The following GRIN1 variants were observed in gnomAD, a reference collection of about 807,000 sequenced individuals.
GRIN1 encodes glutamate ionotropic receptor NMDA type subunit 1.
A neutral mutation model predicts 103.0 loss-of-function variants in GRIN1; 38 were observed. The observed-to-expected ratio is 0.37, with a 90% CI of 0.28 to 0.48. The LOEUF is 0.48. Among genes scored for constraint, GRIN1 ranks in the 20% least tolerant of loss-of-function variants. The probability of loss-of-function intolerance (pLI) is 0.98; values close to 1 mark genes in which losing one functional copy is unlikely to be tolerated. For synonymous variants in GRIN1, 544 were observed against 532.7 expected, an observed-to-expected ratio of 1.02 and a Z score of -0.29; for missense variants, 577 against 1,288.9, an observed-to-expected ratio of 0.45 and a Z score of 8.46.
At chr9:137,165,664 T>C (rs1833834976) in intron 19 of GRIN1, among the ~76,000 whole-genome samples, 1 of 152,184 alleles carries the variant, frequency 6.6e-6, no homozygotes, top group Non-Finnish European at 1.5e-5. Flanking sequence ...CCTGGACTCC[T>C]CAGCTGCCGG....
At position 137,168,574 on chromosome 9, in the gene GRIN1, C is replaced by T; in HGVS notation, c.*1047C>T. On this transcript the variant is annotated 3_prime_UTR_variant, in exon 20 of 20. Coordinates refer to ENST00000371561, the MANE Select transcript of GRIN1 (RefSeq NM_007327.4). Reference sequence around the variant, plus strand: ...CACCCGCCCGCCCCCGCCCTCGCTCCGGGTGCGTGACCGGCCCGCCACCTT... The same window carrying T: ...CACCCGCCCGCCCCCGCCCTCGCTCTGGGTGCGTGACCGGCCCGCCACCTT... The T allele has an allele frequency of 3.4e-6, 1 of 294,184 alleles. No homozygotes were observed. Among genetic ancestry groups the T allele is most frequent in the Non-Finnish European group, 6.2e-6 (1 of 160,900 alleles). The allele number at this position is 294,184 out of a possible 1,614,324, so 18.2% of individuals were successfully genotyped here. A position where few individuals can be genotyped will look rare whatever the true frequency, so the allele number is the denominator to read the frequency against.
At chr9:137,160,941 AG>A in intron 8 of GRIN1, 114 bp from the exon 9 acceptor site, 1 of 1,296,250 alleles carries the variant, frequency 7.7e-7, no homozygotes, top group Admixed American at 1.9e-5. Context: ...GGGGGGTGTG[AG>A]GGGTGCGTCG....
chr9:137,147,080 G>A (rs576963962), intron 3 of GRIN1, among the ~76,000 whole-genome samples: 9 of 109,138 alleles, frequency 8.2e-5, no homozygotes, highest in Non-Finnish European at 1.5e-4. Flanking sequence ...CCCAGCGCTC[G>A]ACAGGCCCCT....
intron 8 of GRIN1, among the ~76,000 whole-genome samples, chr9:137,160,125 C>T (rs896644003): frequency 1.2e-4 from 18 of 152,196 alleles, no homozygotes; most frequent in African/African-American, 4.3e-4. Flanking sequence ...GAGTGTGGGT[C>T]GAAGAGGCCA....
intron 19 of GRIN1, among the ~76,000 whole-genome samples, chr9:137,167,002 G>A (rs928937226): frequency 6.6e-6 from 1 of 152,212 alleles, no homozygotes; most frequent in Non-Finnish European, 1.5e-5. Flanking sequence ...GCGAGGCCAG[G>A]TGCAGCTCAG....
chr9:137,160,614 T>C (rs1200262405), intron 8 of GRIN1, among the ~76,000 whole-genome samples: 1 of 152,144 alleles, frequency 6.6e-6, no homozygotes, highest in Non-Finnish European at 1.5e-5. Context: ...GTATTTTCAG[T>C]AGAGACGGGG....
intron 2 of GRIN1, 27 bp downstream of exon 2, chr9:137,142,174 T>C (rs1273367543): frequency 8.1e-6 from 13 of 1,612,824 alleles, no homozygotes; most frequent in Admixed American, 6.7e-5. Flanking sequence ...GACCAGGCCT[T>C]CCGGCCCTCG....
rs529727940 is a variant in GRIN1 at position 137,146,544 on chromosome 9, A to G, written c.570+642A>G. ...AGCCACCTGGTTCTAGGACACACTGACCCCCAACACAGCCAGGCGTCCACT... is the reference window on the plus strand; with the variant it reads ...AGCCACCTGGTTCTAGGACACACTGGCCCCCAACACAGCCAGGCGTCCACT... On this transcript the variant is annotated intron_variant, in intron 3 of 19. Coordinates refer to ENST00000371561, the MANE Select transcript of GRIN1 (RefSeq NM_007327.4). This position sits in a 1 kb window ranked among gnomAD's most constrained non-coding sequence, Gnocchi z 6.7. Among the ~76,000 whole-genome samples the G allele has an allele frequency of 5.9e-5, 9 of 151,826 alleles. No individual in the cohort carries two copies. In the South Asian group the frequency reaches 8.3e-4, roughly 14 times the overall value.
chr9:137,163,033 C>A, intron 15 of GRIN1, 30 bp downstream of exon 15: 1 of 1,133,188 alleles, frequency 8.8e-7, no homozygotes, highest in Non-Finnish European at 1.3e-6. Context: ...CCTGGCGGGG[C>A]GGGACAGGTG....
chr9:137,143,799 G>T (rs1431980154), intron 2 of GRIN1, among the ~76,000 whole-genome samples: 1 of 152,210 alleles, frequency 6.6e-6, no homozygotes, highest in Non-Finnish European at 1.5e-5. Flanking sequence ...AAATAACCTG[G>T]AAGCCTCAGA....
intron 4 of GRIN1, among the ~76,000 whole-genome samples, chr9:137,152,573 G>A (rs561015588): frequency 3.3e-5 from 5 of 152,118 alleles, no homozygotes; most frequent in Non-Finnish European, 7.4e-5. Flanking sequence ...GGGAGGGGGC[G>A]TTTTCTCCAC....
At chr9:137,148,577 C>T (rs900165906) in intron 3 of GRIN1, among the ~76,000 whole-genome samples, 1 of 152,216 alleles carries the variant, frequency 6.6e-6, no homozygotes, top group African/African-American at 2.4e-5. Flanking sequence ...CAGGGGCCTG[C>T]GGAATCAAAC....
Position 137,139,719 on chromosome 9 carries a change from T to C in GRIN1, c.233T>C (p.Val78Ala). 1 of 1,613,834 alleles carries C rather than the reference T, an allele frequency of 6.2e-7. No individual in the cohort carries two copies. Among genetic ancestry groups the C allele is most frequent in the Non-Finnish European group, 8.5e-7 (1 of 1,179,974 alleles). Residue 78 changes from valine to alanine, a missense_variant, in exon 1 of 20, where the codon GTG (valine) becomes GCG (alanine). Val to Ala is a moderately conservative substitution (Grantham distance 64, BLOSUM62 0). Coordinates refer to ENST00000371561, the MANE Select transcript of GRIN1 (RefSeq NM_007327.4). This position sits in a 1 kb window ranked among gnomAD's most constrained non-coding sequence, Gnocchi z 7.7. The stretch of plus-strand genomic sequence containing the variant: ...AACGCCATCCAGATGGCTCTGTCGG[T>C]GTGCGAGGACCTCATCTCCAGCCAG... ...KPNAIQMALS[V>A]CEDLISSQVY...
chr9:137,156,134 A>G (rs556551013), intron 4 of GRIN1, among the ~76,000 whole-genome samples: 2 of 152,206 alleles, frequency 1.3e-5, no homozygotes, highest in Non-Finnish European at 2.9e-5. Context: ...CTCGGGACAC[A>G]GAGATATTGT....
In GRIN1 at chr9:137,158,280, G is replaced by A. The variant is rs1833347157; in HGVS notation, c.969-99G>A. 6.8e-6 allele frequency: 9 copies of A among 1,321,072 alleles called. No homozygotes were observed. The East Asian group carries it at 2.1e-4, about 31-fold the overall frequency. 81.8% of individuals were successfully genotyped at this position (1,321,072 alleles called of 1,614,324 possible). On this transcript the variant is annotated intron_variant, in intron 6 of 19. Coordinates refer to ENST00000371561, the MANE Select transcript of GRIN1 (RefSeq NM_007327.4). Reference sequence around the variant, plus strand: ...GCAGGAGAAGGAGCAGGGAGAAGGAGCAGGGGGAAGGAGCAGGGAGAAGCA... The same window carrying A: ...GCAGGAGAAGGAGCAGGGAGAAGGAACAGGGGGAAGGAGCAGGGAGAAGCA...
chr9:137,164,895 G>A (rs985433256), intron 18 of GRIN1: 8 of 448,990 alleles, frequency 1.8e-5, no homozygotes, highest in African/African-American at 4.0e-5. Flanking sequence ...CGGGACGCCT[G>A]TAAGCCAGGG....
intron 3 of GRIN1, chr9:137,148,041 C>A (rs368285876): frequency 2.8e-6 from 2 of 702,270 alleles, no homozygotes; most frequent in Admixed American, 4.8e-5. Context: ...GGTAGGAGCC[C>A]GTCTGCAGAC....
intron 4 of GRIN1, among the ~76,000 whole-genome samples, chr9:137,153,653 C>G (rs960969540): frequency 6.6e-6 from 1 of 152,160 alleles, no homozygotes; most frequent in Non-Finnish European, 1.5e-5. Context: ...CGCACACCTA[C>G]ATACATGTAC....
intron 2 of GRIN1, among the ~76,000 whole-genome samples, chr9:137,145,036 G>A (rs1832434014): frequency 1.5e-5 from 1 of 66,910 alleles, no homozygotes; most frequent in South Asian, 7.9e-4. Flanking sequence ...GGACAGGAGT[G>A]AGAGGAAGGG....
Sources: allele counts gnomAD v4.1 joint callset (sites outside exome capture counted in the v4.1 genomes callset), GRCh38; gene constraint gnomAD v4.1.1; non-coding constraint Gnocchi (gnomAD v3.1); transcripts MANE v1.5; gene names NCBI Gene and HGNC (gene_info 2026-07-23, HGNC 2026-07-21).